RYR3: variants seen among roughly 807,000 people sequenced by gnomAD.
RYR3 encodes the protein brain ryanodine receptor-calcium release channel.
A neutral mutation model predicts 584.3 loss-of-function variants in RYR3; 207 were observed. The observed-to-expected ratio is 0.35, with a 90% CI of 0.32 to 0.40. The LOEUF is 0.40. RYR3 is among the 10% of genes least tolerant of loss of function. The pLI is 1.00. For missense variants in RYR3, 5,616 were observed against 6,089.2 expected (o/e 0.92, Z 2.59); for synonymous variants, 2,416 against 2,248.5 (o/e 1.07, Z -2.11).
At chr15:33,329,620 G>A (rs1433606322) in intron 1 of RYR3, among the ~76,000 whole-genome samples, 3 of 152,134 alleles carry the variant, frequency 2.0e-5, no homozygotes, top group Non-Finnish European at 4.4e-5. Context: ...ACTGGAAGCT[G>A]GAGCTATGTT....
At chr15:33,847,001 T>G (rs904928005) in intron 93 of RYR3, 2 of 152,330 alleles carry the variant, frequency 1.3e-5, no homozygotes, top group South Asian at 4.1e-4. Context: ...ATGTGGAAGT[T>G]CTGTTTACGA....
rs1376276380 is a variant in RYR3, at chr15:33,823,840, C to T, written c.11072+768C>T. 1.1e-4 allele frequency among the ~76,000 whole-genome samples: 16 copies of T among 151,996 alleles called. No homozygotes were observed. In the South Asian group the frequency reaches 3.3e-3, roughly 32 times the overall value. On this transcript the variant is annotated intron_variant, in intron 81 of 103. Coordinates refer to ENST00000634891, the MANE Select transcript of RYR3 (RefSeq NM_001036.6). ...CTAAAAGAAATTAAACTTTTAATTA[C>T]CTAGTTCATTTGCCTCCAATTATGC... is the stretch of plus-strand genomic sequence containing the variant.
At chr15:33,538,593 G>C (rs980733201) in intron 5 of RYR3, among the ~76,000 whole-genome samples, 1 of 152,144 alleles carries the variant, frequency 6.6e-6, no homozygotes, top group Non-Finnish European at 1.5e-5. Flanking sequence ...AGGTCTTCTG[G>C]CTGTTCAGGG....
chr15:33,577,681 G>A (rs1218234897), intron 12 of RYR3, among the ~76,000 whole-genome samples: 7 of 152,136 alleles, frequency 4.6e-5, no homozygotes, highest in Non-Finnish European at 7.3e-5. Flanking sequence ...GAAAATGTAG[G>A]CAATACCATT....
chr15:33,694,703 C>G (rs1027779425), intron 38 of RYR3, among the ~76,000 whole-genome samples: 6 of 152,122 alleles, frequency 3.9e-5, no homozygotes, highest in African/African-American at 1.2e-4. Flanking sequence ...TGACTTTGCC[C>G]CTAGAGGATA....
intron 1 of RYR3, among the ~76,000 whole-genome samples, chr15:33,432,398 T>A (rs879516969): frequency 3.3e-5 from 5 of 151,980 alleles, no homozygotes; most frequent in Non-Finnish European, 5.9e-5. Flanking sequence ...CCCTGTAGCC[T>A]CATCTGTTTG....
At chr15:33,612,945 G>C (rs2060270190) in intron 18 of RYR3, among the ~76,000 whole-genome samples, 1 of 152,166 alleles carries the variant, frequency 6.6e-6, no homozygotes, top group Non-Finnish European at 1.5e-5. Context: ...TTTCCCCTGA[G>C]ACTCATCGCA....
intron 94 of RYR3, chr15:33,848,960 C>T (rs1255168603): frequency 2.6e-5 from 4 of 151,796 alleles, no homozygotes; most frequent in East Asian, 3.9e-4. Flanking sequence ...CTTAGCCTCC[C>T]GAGTAGCTGG....
In RYR3 at chr15:33,731,044, T is replaced by C. The variant is rs556447072; in HGVS notation, c.7204-430T>C. Among the ~76,000 whole-genome samples, 123 of 152,278 alleles carry C rather than the reference T, an allele frequency of 8.1e-4. 1 individual carries two copies. The highest frequency in any genetic ancestry group is 1.9e-3 in the South Asian group (9 of 4,822). On this transcript the variant is annotated intron_variant, in intron 47 of 103. Transcript: ENST00000634891. Reference sequence around the variant, plus strand: ...TAATCTTACAGTTGTAAAATTACAGTGTGTGAGTCCCTGGTAGGTGAGAAA... The same window carrying C: ...TAATCTTACAGTTGTAAAATTACAGCGTGTGAGTCCCTGGTAGGTGAGAAA...
intron 38 of RYR3, among the ~76,000 whole-genome samples, chr15:33,688,301 C>T (rs55713836): frequency 0.021 from 3,211 of 152,148 alleles, 112 homozygotes; most frequent in African/African-American, 0.074. Context: ...GGGCTGGGCA[C>T]GGTGGCTCAC....
At chr15:33,680,415 C>G (rs149512215) in intron 38 of RYR3, among the ~76,000 whole-genome samples, 300 of 152,344 alleles carry the variant, frequency 2.0e-3, no homozygotes, top group Non-Finnish European at 3.2e-3. Context: ...TCCAGTGGCT[C>G]TGCTCACTCT....
At chr15:33,821,067 G>T (rs552355318) in intron 78 of RYR3, among the ~76,000 whole-genome samples, 99 of 151,744 alleles carry the variant, frequency 6.5e-4, no homozygotes, top group Non-Finnish European at 1.1e-3. Context: ...AATGGAAAAT[G>T]TACCATCAAA....
chr15:33,584,142 G>A (rs973308523), intron 14 of RYR3, among the ~76,000 whole-genome samples: 4 of 152,132 alleles, frequency 2.6e-5, no homozygotes, highest in African/African-American at 9.7e-5. Context: ...GGAGGCTGAG[G>A]CGAGAGGATC....
intron 69 of RYR3, chr15:33,802,177 T>C (rs2075954117): frequency 1.4e-6 from 1 of 690,646 alleles, no homozygotes; most frequent in African/African-American, 1.7e-5. Context: ...GCTGCTTGTA[T>C]GTCAAAAAGC....
chr15:33,663,874 G>C, intron 36 of RYR3, 137 bp downstream of exon 36: 1 of 701,386 alleles, frequency 1.4e-6, no homozygotes, highest in Non-Finnish European at 2.4e-6. Flanking sequence ...TGCAATACCA[G>C]GAGACAGGCC....
intron 2 of RYR3, among the ~76,000 whole-genome samples, chr15:33,488,742 T>C (rs770108333): frequency 1.3e-5 from 2 of 152,040 alleles, no homozygotes; most frequent in South Asian, 2.1e-4. Flanking sequence ...GTTCCAGCTA[T>C]TCGGGAGGCT....
chr15:33,541,594 G>A (rs2055821896), intron 7 of RYR3, among the ~76,000 whole-genome samples: 1 of 152,096 alleles, frequency 6.6e-6, no homozygotes, highest in Admixed American at 6.6e-5. Flanking sequence ...GCACATTATA[G>A]CAAGATCAGA....
At chr15:33,669,326 C>G (rs1043513066) in intron 36 of RYR3, 28 bp from the exon 37 acceptor site, 5 of 1,586,582 alleles carry the variant, frequency 3.2e-6, no homozygotes, top group Non-Finnish European at 4.3e-6. Context: ...TGAGAACCAA[C>G]TAGCTATTCT....
rs1195433047 is a variant in RYR3, at chr15:33,543,613, C to A, written c.647-9C>A. The A allele has an allele frequency of 4.5e-6, 7 of 1,552,816 alleles. No homozygotes were observed. Among genetic ancestry groups the A allele is most frequent in the Middle Eastern group, 1.7e-4 (1 of 5,942 alleles). On this transcript the variant is annotated splice_polypyrimidine_tract_variant and intron_variant, in intron 7 of 103. Coordinates refer to ENST00000634891, the MANE Select transcript of RYR3 (RefSeq NM_001036.6). ...CCATCATTCACAGTAGAATATAATT[C>A]TCTTACAGGATACCTACTTGGTGGG...
Sources: gnomAD v4.1 joint callset for allele counts (sites outside exome capture counted in the v4.1 genomes callset) on GRCh38, gnomAD v4.1.1 for gene constraint, MANE v1.5 for transcripts, NCBI Gene and HGNC (gene_info 2026-07-23, HGNC 2026-07-21) for gene names.